Variants in CDH18 observed in about 807,000 individuals in gnomAD.
CDH18 encodes the protein cadherin 18.
A neutral mutation model predicts 67.9 loss-of-function variants in CDH18; 31 were observed. The observed-to-expected ratio is 0.46, with a 90% confidence interval of 0.34 to 0.62. CDH18 has a LOEUF of 0.62. CDH18 is among the 20% of genes least tolerant of loss of function. CDH18 has a pLI of 0.01. For synonymous variants in CDH18, 362 were observed against 347.2 expected, an observed-to-expected ratio of 1.04 and a Z score of -0.48; for missense variants, 890 against 975.5, an observed-to-expected ratio of 0.91 and a Z score of 1.17.
chr5:19,551,542 T>C (rs1737449705), intron 8 of CDH18, among the ~76,000 whole-genome samples: 1 of 152,130 alleles, frequency 6.6e-6, no homozygotes, highest in Non-Finnish European at 1.5e-5. Context: ...AATAATTTTC[T>C]TGTGATGATT....
rs113546340 is a variant in CDH18 at position 20,156,522 on chromosome 5, AT to A, written c.-518+98921del. Reference sequence around the variant, plus strand: ...TCTCACTTAAAGTGGGAGCTAAACAATTGGATACACATGGGCATACAGAATG... The same window carrying A: ...TCTCACTTAAAGTGGGAGCTAAACAATGGATACACATGGGCATACAGAATG... On this transcript the variant is annotated intron_variant, in intron 2 of 14. Coordinates refer to the CDH18 transcript ENST00000507958. Among the ~76,000 whole-genome samples, 968 of 152,278 alleles carry A rather than the reference AT, an allele frequency of 6.4e-3. 15 individuals are homozygous for A. Among genetic ancestry groups the A allele is most frequent in the African/African-American group, 0.022 (925 of 41,574 alleles).
At chr5:19,938,027 T>C (rs1794460296) in intron 2 of CDH18, among the ~76,000 whole-genome samples, 1 of 147,698 alleles carries the variant, frequency 6.8e-6, no homozygotes, top group South Asian at 2.1e-4. Context: ...AGCATATACA[T>C]AGCAAATATA....
At chr5:20,047,998 T>C (rs1741060202) in intron 2 of CDH18, among the ~76,000 whole-genome samples, 1 of 151,808 alleles carries the variant, frequency 6.6e-6, no homozygotes, top group Non-Finnish European at 1.5e-5. Context: ...TTCAGCATCA[T>C]GAACAGTCAG....
intron 2 of CDH18, among the ~76,000 whole-genome samples, chr5:20,247,087 T>C (rs1242044760): frequency 6.6e-6 from 1 of 152,154 alleles, no homozygotes; most frequent in Non-Finnish European, 1.5e-5. Flanking sequence ...CATTCACAAT[T>C]AATGCCTTCC....
intron 1 of CDH18, among the ~76,000 whole-genome samples, chr5:20,535,876 A>G (rs1202338286): frequency 6.6e-6 from 1 of 151,904 alleles, no homozygotes; most frequent in Non-Finnish European, 1.5e-5. Context: ...AATCACCTTT[A>G]CCTCTCTGAA....
chr5:19,877,603 A>T (rs1787171975), intron 2 of CDH18, among the ~76,000 whole-genome samples: 1 of 152,154 alleles, frequency 6.6e-6, no homozygotes, highest in Admixed American at 6.6e-5. Context: ...TGAGACATTT[A>T]TGTTTATAGT....
At chr5:20,122,728 G>T (rs1748467265) in intron 2 of CDH18, among the ~76,000 whole-genome samples, 1 of 150,628 alleles carries the variant, frequency 6.6e-6, no homozygotes, top group African/African-American at 2.4e-5. Context: ...TATATACCAA[G>T]TACGAATGTT....
chr5:20,295,787 C>T (rs566340285), intron 1 of CDH18, among the ~76,000 whole-genome samples: 5 of 151,186 alleles, frequency 3.3e-5, no homozygotes, highest in Non-Finnish European at 7.4e-5. Flanking sequence ...ATTTTCAAAG[C>T]GAATTATTTT....
chr5:20,373,167 T>C (rs1257670839), intron 1 of CDH18, among the ~76,000 whole-genome samples: 3 of 152,222 alleles, frequency 2.0e-5, no homozygotes, highest in Non-Finnish European at 2.9e-5. Flanking sequence ...ATCTCTCCGA[T>C]GCCTAAAACA....
chr5:20,505,108 C>T (rs1246790606), intron 1 of CDH18, among the ~76,000 whole-genome samples: 1 of 149,300 alleles, frequency 6.7e-6, no homozygotes, highest in African/African-American at 2.5e-5. Context: ...AAAAAAAAAT[C>T]ACCAATCTAT....
intron 1 of CDH18, among the ~76,000 whole-genome samples, chr5:20,349,262 T>G (rs1270041765): frequency 6.6e-6 from 1 of 152,112 alleles, no homozygotes; most frequent in Non-Finnish European, 1.5e-5. Flanking sequence ...AGTAGTACTT[T>G]GGAGATATAT....
chr5:20,414,402 C>T (rs1011792104), intron 1 of CDH18, among the ~76,000 whole-genome samples: 16 of 152,024 alleles, frequency 1.1e-4, no homozygotes, highest in African/African-American at 1.7e-4. Context: ...CACTTAAAAG[C>T]GGGACCTAAA....
intron 2 of CDH18, among the ~76,000 whole-genome samples, chr5:19,902,190 T>C (rs1790015391): frequency 6.6e-6 from 1 of 152,168 alleles, no homozygotes; most frequent in Admixed American, 6.5e-5. Flanking sequence ...AGCATGGTAG[T>C]CTTAAAAATA....
intron 6 of CDH18, among the ~76,000 whole-genome samples, chr5:19,604,587 G>A (rs1747733435): frequency 6.7e-6 from 1 of 149,526 alleles, no homozygotes; most frequent in Non-Finnish European, 1.5e-5. Context: ...AAAGTATTCT[G>A]AGATTTTCCT....
intron 8 of CDH18, among the ~76,000 whole-genome samples, chr5:19,566,440 T>C: frequency 6.6e-6 from 1 of 152,168 alleles, no homozygotes; most frequent in South Asian, 2.1e-4. Context: ...TGAAACTGGG[T>C]AATTTATAAA....
chr5:20,517,787 A>G (rs987232555), intron 1 of CDH18, among the ~76,000 whole-genome samples: 8 of 152,248 alleles, frequency 5.3e-5, no homozygotes, highest in South Asian at 2.1e-4. Flanking sequence ...TGCATGTTAC[A>G]GTAAGCATAC....
At chr5:20,193,982 CA>C (rs1334962878) in intron 2 of CDH18, among the ~76,000 whole-genome samples, 2 of 152,098 alleles carry the variant, frequency 1.3e-5, no homozygotes, top group African/African-American at 2.4e-5. Flanking sequence ...GACAAACCCA[CA>C]ACCAATATCA....
At chr5:20,208,732 A>G (rs1274609986) in intron 2 of CDH18, among the ~76,000 whole-genome samples, 1 of 152,092 alleles carries the variant, frequency 6.6e-6, no homozygotes, top group African/African-American at 2.4e-5. Context: ...GGATTACATC[A>G]TGGTAAAATG....
chr5:20,561,424 T>A (rs1758204066), intron 1 of CDH18, among the ~76,000 whole-genome samples: 1 of 152,102 alleles, frequency 6.6e-6, no homozygotes, highest in Non-Finnish European at 1.5e-5. Context: ...TTTTCCGTGC[T>A]ATAAAGAAAT....
Sources: allele counts gnomAD v4.1 joint callset (sites outside exome capture counted in the v4.1 genomes callset), GRCh38; gene constraint gnomAD v4.1.1; transcripts MANE v1.5; gene names NCBI Gene and HGNC (gene_info 2026-07-23, HGNC 2026-07-21).